The following ERCC8 variants were observed in gnomAD, a reference collection of about 807,000 sequenced individuals.
The protein encoded by ERCC8 is ERCC excision repair 8, CSA ubiquitin ligase complex subunit, also known as DNA excision repair protein ERCC-8.
In ERCC8, 52 loss-of-function variants were observed where a neutral mutation model predicts 54.9. The ratio of observed to expected loss-of-function variants is 0.95; its 90% CI spans 0.76 to 1.19. The LOEUF is 1.19. ERCC8 is among the 50% of genes most tolerant of loss of function. The probability of loss-of-function intolerance (pLI) is 0.00; values close to 1 mark genes in which losing one functional copy is unlikely to be tolerated. For missense variants in ERCC8, 514 were observed against 466.1 expected (o/e 1.10, Z -0.95); for synonymous variants, 146 against 157.2 (o/e 0.93, Z 0.53).
At chr5:60,919,464 T>C (rs1479249101) in intron 3 of ERCC8, 1 of 152,010 alleles carries the variant, frequency 6.6e-6, no homozygotes, top group Non-Finnish European at 1.5e-5. Flanking sequence ...GTTTGGGACC[T>C]TAAAACATTT....
At chr5:60,888,129 T>A (rs1459147811) in intron 10 of ERCC8, among the ~76,000 whole-genome samples, 1 of 152,156 alleles carries the variant, frequency 6.6e-6, no homozygotes, top group Non-Finnish European at 1.5e-5. Context: ...AAGAAATATG[T>A]TATATTGGCT....
At chr5:60,904,634 G>GTGTGTGTATATA (rs1406862264) in intron 5 of ERCC8, among the ~76,000 whole-genome samples, 158 bp downstream of exon 5, 1 of 49,926 alleles carries the variant, frequency 2.0e-5, no homozygotes, top group African/African-American at 8.4e-5. Flanking sequence ...GTGTGTGTGT[G>GTGTGTGTATATA]TATATATATA....
intron 8 of ERCC8, 69 bp from the exon 9 acceptor site, chr5:60,898,469 A>C: frequency 1.3e-6 from 2 of 1,549,316 alleles, no homozygotes; most frequent in Non-Finnish European, 1.8e-6. Flanking sequence ...TTGATGATAT[A>C]ATTAAACATA....
Position 60,945,054 on chromosome 5 carries a change from A to G in ERCC8, c.-46T>C. 6.5e-7 allele frequency: 1 copy of G among 1,548,046 alleles called. No homozygotes were observed. The highest frequency in any genetic ancestry group is 2.2e-5 in the East Asian group (1 of 44,532). On this transcript the variant is annotated 5_prime_UTR_variant, in exon 1 of 12. Coordinates refer to ENST00000676185, the MANE Select transcript of ERCC8 (RefSeq NM_000082.4). ...GGAGCACTGGACGTCGCCATGACAG[A>G]GCTCAGGGGCGGGACTGGAACAGCA...
intron 4 of ERCC8, among the ~76,000 whole-genome samples, chr5:60,908,100 T>C (rs1410915618): frequency 4.6e-5 from 7 of 152,208 alleles, no homozygotes; most frequent in Non-Finnish European, 2.9e-5. Context: ...TTTTCTGTCC[T>C]ATTTATCTTT....
In ERCC8 at chr5:60,867,276, A is replaced by T. The variant is rs1747773568; in HGVS notation, c.*7339T>A. Among the ~76,000 whole-genome samples, 1 of 151,700 alleles carries T rather than the reference A, an allele frequency of 6.6e-6. No homozygotes were observed. Among genetic ancestry groups the T allele is most frequent in the Non-Finnish European group, 1.5e-5 (1 of 67,962 alleles). On this transcript the variant is annotated 3_prime_UTR_variant, in exon 12 of 12. Transcript: ENST00000676185. ...TTCTTTTTCTTTTCATTTTTTTGAG[A>T]CAGAGTCTTGCTCTGTCACTCAGGG...
intron 1 of ERCC8, among the ~76,000 whole-genome samples, chr5:60,930,349 A>C (rs1749871964): frequency 6.6e-6 from 1 of 152,036 alleles, no homozygotes; most frequent in Non-Finnish European, 1.5e-5. Flanking sequence ...ACAAGGTTAC[A>C]AGATTGAGAC....
At position 60,893,564 on chromosome 5, in the gene ERCC8, C is replaced by G. The variant is rs1748631922; in HGVS notation, c.844-2478G>C. On this transcript the variant is annotated intron_variant, in intron 9 of 11. Coordinates refer to ENST00000676185, the MANE Select transcript of ERCC8 (RefSeq NM_000082.4). ...TTTACCTGGCTTTTCATTTTTGTTTCTAAGTTTCATCATCATGATCAGCTT... is the reference window on the plus strand; with the variant it reads ...TTTACCTGGCTTTTCATTTTTGTTTGTAAGTTTCATCATCATGATCAGCTT... 1.0e-5 allele frequency: 7 copies of G among 685,382 alleles called. No individual in the cohort carries two copies. In the Admixed American group the frequency reaches 1.4e-4, roughly 13 times the overall value. 42.5% of individuals were successfully genotyped at this position (685,382 alleles called of 1,614,324 possible). A position where few individuals can be genotyped will look rare whatever the true frequency, so the allele number is the denominator to read the frequency against.
intron 2 of ERCC8, among the ~76,000 whole-genome samples, chr5:60,923,842 G>A (rs1354822706): frequency 6.6e-6 from 1 of 151,964 alleles, no homozygotes; most frequent in Non-Finnish European, 1.5e-5. Flanking sequence ...ATTCTTCACA[G>A]AGATCCAAAC....
rs994939890 is a variant in ERCC8 at position 60,874,382 on chromosome 5, G to C, written c.*233C>G. On this transcript the variant is annotated 3_prime_UTR_variant, in exon 12 of 12. Coordinates refer to ENST00000676185, the MANE Select transcript of ERCC8 (RefSeq NM_000082.4). ...TGTGTTACTTGTACTGTAGCAATGAGGGCTTTCCCAGGCCACAACATCTGG... is the reference window on the plus strand; with the variant it reads ...TGTGTTACTTGTACTGTAGCAATGACGGCTTTCCCAGGCCACAACATCTGG... 2 of 501,794 alleles carry C rather than the reference G, an allele frequency of 4.0e-6. No individual in the cohort carries two copies. The highest frequency in any genetic ancestry group is 7.3e-5 in the Admixed American group (2 of 27,448). 31.1% of individuals were successfully genotyped at this position (501,794 alleles called of 1,614,324 possible).
chr5:60,877,896 T>A (rs1748065364), intron 11 of ERCC8, among the ~76,000 whole-genome samples: 1 of 152,206 alleles, frequency 6.6e-6, no homozygotes, highest in Non-Finnish European at 1.5e-5. Context: ...TGGACAGAAC[T>A]TCCAACACTA....
chr5:60,943,634 G>A (rs1750330520), intron 1 of ERCC8, among the ~76,000 whole-genome samples: 1 of 152,090 alleles, frequency 6.6e-6, no homozygotes, highest in Non-Finnish European at 1.5e-5. Context: ...CCAAAAGAAT[G>A]AAAGTGCACT....
Position 60,872,388 on chromosome 5 carries a change from A to T in ERCC8, c.*2227T>A, listed in dbSNP as rs1437895063. ...AGACAACCTACAGAATGGAGAAAAA[A>T]TATTAACTATAGATCTGATAGGGGG... On this transcript the variant is annotated 3_prime_UTR_variant, in exon 12 of 12. Transcript: ENST00000676185. Among the ~76,000 whole-genome samples, 1 of 152,230 alleles carries T rather than the reference A, an allele frequency of 6.6e-6. No individual in the cohort carries two copies. The highest frequency in any genetic ancestry group is 1.9e-4 in the East Asian group (1 of 5,200).
At chr5:60,875,528 T>C (rs1015185772) in intron 11 of ERCC8, among the ~76,000 whole-genome samples, 1 of 152,212 alleles carries the variant, frequency 6.6e-6, no homozygotes, top group African/African-American at 2.4e-5. Context: ...AAAAGGGCTT[T>C]AAGATGGTCT....
At chr5:60,912,018 G>C (rs1749281995) in intron 4 of ERCC8, among the ~76,000 whole-genome samples, 1 of 152,120 alleles carries the variant, frequency 6.6e-6, no homozygotes, top group Admixed American at 6.5e-5. Flanking sequence ...TTTGAAGTCA[G>C]GTAGCGTGAT....
chr5:60,896,941 T>C (rs181504429), intron 9 of ERCC8, among the ~76,000 whole-genome samples: 312 of 152,298 alleles, frequency 2.0e-3, no homozygotes, highest in African/African-American at 5.8e-3. Flanking sequence ...AAGCCTTTAG[T>C]GGCTTTCCAT....
chr5:60,929,741 ATAT>A (rs1749853476), intron 1 of ERCC8, among the ~76,000 whole-genome samples: 1 of 152,236 alleles, frequency 6.6e-6, no homozygotes, highest in African/African-American at 2.4e-5. Context: ...CCTGGTGAGC[ATAT>A]TATTAAGATT....
chr5:60,899,507 T>G, intron 8 of ERCC8, 120 bp downstream of exon 8: 1 of 725,400 alleles, frequency 1.4e-6, no homozygotes, highest in South Asian at 1.5e-5. Flanking sequence ...GATGAATGCC[T>G]TTTGAAAAAT....
chr5:60,933,005 G>A (rs1442473640), intron 1 of ERCC8, among the ~76,000 whole-genome samples: 2 of 152,028 alleles, frequency 1.3e-5, no homozygotes, highest in African/African-American at 4.8e-5. Flanking sequence ...GTTATTAATA[G>A]CTAGCATTCA....
Sources: gnomAD v4.1 joint callset for allele counts (sites outside exome capture counted in the v4.1 genomes callset) on GRCh38, gnomAD v4.1.1 for gene constraint, MANE v1.5 for transcripts, NCBI Gene and HGNC (gene_info 2026-07-23, HGNC 2026-07-21) for gene names.